LHFPL4: variants seen among roughly 807,000 people sequenced by gnomAD.
LHFPL4 encodes LHFPL tetraspan subfamily member 4 protein.
A neutral mutation model predicts 20.0 loss-of-function variants in LHFPL4; 6 were observed. The observed-to-expected ratio is 0.30, with a 90% CI of 0.16 to 0.59. The LOEUF is 0.59. Ranked by LOEUF, LHFPL4 falls within the 20% of genes least tolerant of loss-of-function variation. The pLI, the probability that LHFPL4 is intolerant of heterozygous loss-of-function variation, is 0.88. For synonymous variants in LHFPL4, 129 were observed against 143.8 expected (o/e 0.90, Z 0.74); for missense variants, 215 against 331.2 (o/e 0.65, Z 2.72).
intron 2 of LHFPL4, among the ~76,000 whole-genome samples, chr3:9,536,759 C>T (rs1171116832): frequency 2.0e-5 from 3 of 151,484 alleles, no homozygotes; most frequent in African/African-American, 4.9e-5. Flanking sequence ...GCCAGGAGTT[C>T]GAGATCAGCC....
At chr3:9,539,995 G>A (rs1323083294) in intron 2 of LHFPL4, among the ~76,000 whole-genome samples, 3 of 152,222 alleles carry the variant, frequency 2.0e-5, no homozygotes, top group Admixed American at 6.5e-5. Flanking sequence ...ATCATACATC[G>A]CTGGTGGGAG....
intron 2 of LHFPL4, among the ~76,000 whole-genome samples, chr3:9,526,724 T>C (rs1039814558): frequency 4.6e-5 from 7 of 151,984 alleles, no homozygotes; most frequent in Admixed American, 2.6e-4. Flanking sequence ...CTGGTGTCCT[T>C]ATAGGAAGAG....
intron 2 of LHFPL4, among the ~76,000 whole-genome samples, chr3:9,508,443 G>A (rs1559514795): frequency 6.6e-6 from 1 of 152,210 alleles, no homozygotes; most frequent in Non-Finnish European, 1.5e-5. Context: ...AATGGCAAAA[G>A]CAAAGTCCTG....
intron 2 of LHFPL4, among the ~76,000 whole-genome samples, chr3:9,547,160 T>C (rs964912036): frequency 6.6e-6 from 1 of 152,188 alleles, no homozygotes; most frequent in Admixed American, 6.5e-5. Context: ...GGCTAATTTT[T>C]AAATTATTTG....
intron 3 of LHFPL4, among the ~76,000 whole-genome samples, chr3:9,504,857 G>A (rs946344030): frequency 1.3e-5 from 2 of 150,874 alleles, no homozygotes; most frequent in East Asian, 3.9e-4. Flanking sequence ...AAATACATGT[G>A]TGTTTAAACA....
chr3:9,535,209 T>G (rs1320577742), intron 2 of LHFPL4, among the ~76,000 whole-genome samples: 3 of 152,230 alleles, frequency 2.0e-5, no homozygotes, highest in Non-Finnish European at 4.4e-5. Context: ...GGGAAAAATG[T>G]TCACACAGTG....
intron 2 of LHFPL4, among the ~76,000 whole-genome samples, chr3:9,540,875 A>T (rs2046472550): frequency 6.6e-6 from 1 of 151,872 alleles, no homozygotes; most frequent in Admixed American, 6.6e-5. Flanking sequence ...TGGGCGACAG[A>T]GTGGGACCCT....
chr3:9,520,351 T>C (rs1372491484), intron 2 of LHFPL4, among the ~76,000 whole-genome samples: 1 of 151,946 alleles, frequency 6.6e-6, no homozygotes, highest in Non-Finnish European at 1.5e-5. Flanking sequence ...TTTGTTGTTG[T>C]TGTTGTTGTT....
In LHFPL4 at chr3:9,516,781, C is replaced by CTT. The variant is rs574431292; in HGVS notation, c.407-10580_407-10579dup. Among the ~76,000 whole-genome samples the CTT allele has an allele frequency of 7.3e-3, 822 of 111,842 alleles. 17 individuals carry two copies. The highest frequency in any genetic ancestry group is 0.024 in the African/African-American group (674 of 27,588). 73.4% of individuals were successfully genotyped at this position (111,842 alleles called of 152,430 possible). Reference sequence around the variant, plus strand: ...GAGCCATTGCGCCCAGCCACACAATCTTTTTTTTTTTTTTTTTTTTTGAGA... The same window carrying CTT: ...GAGCCATTGCGCCCAGCCACACAATCTTTTTTTTTTTTTTTTTTTTTTTGAGA... On this transcript the variant is annotated intron_variant, in intron 2 of 3. Coordinates refer to ENST00000287585, the MANE Select transcript of LHFPL4 (RefSeq NM_198560.3).
intron 2 of LHFPL4, among the ~76,000 whole-genome samples, chr3:9,522,126 A>C (rs2046341463): frequency 6.6e-6 from 1 of 152,038 alleles, no homozygotes. Context: ...ATAACACTAT[A>C]CCACTTCACA....
chr3:9,515,766 G>C (rs2046296251), intron 2 of LHFPL4, among the ~76,000 whole-genome samples: 1 of 151,072 alleles, frequency 6.6e-6, no homozygotes, highest in South Asian at 2.1e-4. Flanking sequence ...TGTCACCCAG[G>C]CTGGAGTGGG....
At chr3:9,526,112 TAA>T (rs1292535625) in intron 2 of LHFPL4, among the ~76,000 whole-genome samples, 1 of 152,176 alleles carries the variant, frequency 6.6e-6, no homozygotes, top group Non-Finnish European at 1.5e-5. Flanking sequence ...GCTAGGTATA[TAA>T]ATAAGCCAGT....
intron 2 of LHFPL4, among the ~76,000 whole-genome samples, chr3:9,508,416 G>C (rs1178917869): frequency 6.6e-6 from 1 of 152,222 alleles, no homozygotes; most frequent in Non-Finnish European, 1.5e-5. Context: ...GCTGGGAAAA[G>C]AGTTGCAGCC....
chr3:9,552,126 A>G (rs2046559031), intron 2 of LHFPL4, 148 bp downstream of exon 2: 3 of 1,006,812 alleles, frequency 3.0e-6, no homozygotes, highest in Non-Finnish European at 1.4e-6. Context: ...CCCCTCCCCA[A>G]TACCCACTGA....
rs1310010099 is a variant in LHFPL4, at chr3:9,553,754, A to AGCGGCTGCCTCGGCCCAGGCG, written c.-259_-239dup. ...GGCGCCGCGGCTCGGCGCTCCCAGC[A>AGCGGCTGCCTCGGCCCAGGCG]GCGGCTGCCTCGGCCCAGGCGGCGG... On this transcript the variant is annotated 5_prime_UTR_variant, in exon 1 of 4. Transcript: ENST00000287585. The AGCGGCTGCCTCGGCCCAGGCG allele has an allele frequency of 6.6e-6, 1 of 150,692 alleles. No individual in the cohort carries two copies. The highest frequency in any genetic ancestry group is 1.5e-5 in the Non-Finnish European group (1 of 67,522). The allele number at this position is 150,692 out of a possible 1,614,324, so 9.3% of individuals were successfully genotyped here.
At chr3:9,540,422 T>C (rs1008568871) in intron 2 of LHFPL4, among the ~76,000 whole-genome samples, 1 of 152,188 alleles carries the variant, frequency 6.6e-6, no homozygotes, top group African/African-American at 2.4e-5. Flanking sequence ...TCTTCTAGAA[T>C]GTGGGCTGGA....
At chr3:9,537,519 C>A (rs2046451157) in intron 2 of LHFPL4, among the ~76,000 whole-genome samples, 1 of 152,188 alleles carries the variant, frequency 6.6e-6, no homozygotes, top group African/African-American at 2.4e-5. Flanking sequence ...CTGTTAATAA[C>A]CTTGGCATCT....
At chr3:9,536,395 G>A (rs1359604366) in intron 2 of LHFPL4, among the ~76,000 whole-genome samples, 3 of 152,112 alleles carry the variant, frequency 2.0e-5, no homozygotes, top group Non-Finnish European at 4.4e-5. Flanking sequence ...CAACAACCTA[G>A]ATGCTGAGGC....
At chr3:9,543,444 G>A (rs1202302300) in intron 2 of LHFPL4, among the ~76,000 whole-genome samples, 3 of 151,604 alleles carry the variant, frequency 2.0e-5, no homozygotes, top group Non-Finnish European at 4.4e-5. Context: ...AGCTTGCAGT[G>A]AGCCGAGATC....
Sources: gnomAD v4.1 joint callset for allele counts (sites outside exome capture counted in the v4.1 genomes callset) on GRCh38, gnomAD v4.1.1 for gene constraint, MANE v1.5 for transcripts, NCBI Gene and HGNC (gene_info 2026-07-23, HGNC 2026-07-21) for gene names.